Variants in CARD9 observed in about 807,000 individuals in gnomAD.
CARD9 encodes the protein caspase recruitment domain family member 9.
Under a neutral mutation model 66.0 loss-of-function variants are expected in CARD9, and 53 were observed. The observed-to-expected ratio is 0.80, with a 90% CI of 0.64 to 1.01. CARD9 has a LOEUF of 1.01. CARD9 is among the 50% of genes least tolerant of loss of function. The pLI is 0.00. For missense variants in CARD9, 769 were observed against 743.2 expected, an observed-to-expected ratio of 1.03 and a Z score of -0.40; for synonymous variants, 387 against 313.8, an observed-to-expected ratio of 1.23 and a Z score of -2.47.
In CARD9 at chr9:136,367,681, C is replaced by T. The variant is rs368200571; in HGVS notation, c.1225G>A (p.Val409Met). 56 of 1,599,686 alleles carry T rather than the reference C, an allele frequency of 3.5e-5. 1 individual carries two copies. The highest frequency in any genetic ancestry group is 2.1e-4 in the South Asian group (19 of 90,026). The change falls in exon 8 of 13, where the codon GTG (valine) becomes ATG (methionine). Residue 409 changes from valine to methionine, a missense_variant. Val to Met is a conservative substitution (Grantham distance 21). Transcript: ENST00000371732. ...TGCTGCCGCCTGAGCCTGCCCTCCA[C>T]GGCCAGTAGCTGCGCCTCACACTGG... is the stretch of plus-strand genomic sequence containing the variant. ...VFQCEAQLLAVEGRLRRQQLE... is the reference protein window; with the variant it reads ...VFQCEAQLLAMEGRLRRQQLE...
chr9:136,367,741 C>A lies in CARD9; in HGVS notation c.1165G>T (p.Gly389Cys), dbSNP rs1487066101. 6.2e-7 allele frequency: 1 copy of A among 1,605,688 alleles called. No homozygotes were observed. Among genetic ancestry groups the A allele is most frequent in the Admixed American group, 1.7e-5 (1 of 59,946 alleles). The change falls in exon 8 of 13, where the codon GGC (glycine) becomes TGC (cysteine). Residue 389 changes from glycine to cysteine, a missense_variant. Transcript: ENST00000371732. ...AGCTGCAGCTCATCCGCCTTCTCGC[C>A]CAGCTCCCGCACCTGCTTGCGCAGC... ...DALRKQVREL[G>C]EKADELQLQV...
Position 136,371,873 on chromosome 9 carries a change from G to T in CARD9, c.184+22C>A, listed in dbSNP as rs1241234418. The stretch of plus-strand genomic sequence containing the variant: ...ACTCTGTGGTTGGGTTTGGGGCCTG[G>T]GGCCCGCGGGGCAACACTGACCCAC... On this transcript the variant is annotated intron_variant, in intron 2 of 12. Coordinates refer to ENST00000371732, the MANE Select transcript of CARD9 (RefSeq NM_052813.5). The T allele has an allele frequency of 2.5e-6, 4 of 1,576,530 alleles. No homozygotes were observed. The East Asian group carries it at 9.0e-5, about 36-fold the overall frequency.
At position 136,370,398 on chromosome 9, in the gene CARD9, G is replaced by C. The variant is rs1833234296; in HGVS notation, c.847C>G (p.Leu283Val). 2 of 1,611,274 alleles carry C rather than the reference G, an allele frequency of 1.2e-6. No individual in the cohort carries two copies. Among genetic ancestry groups the C allele is most frequent in the Non-Finnish European group, 1.7e-6 (2 of 1,179,422 alleles). Reference sequence around the variant, plus strand: ...AGCGCCTGCCGCCAGTCCTCCTCCAGTACCTGGATGTAGGGGCTGCTCCTG... The same window carrying C: ...AGCGCCTGCCGCCAGTCCTCCTCCACTACCTGGATGTAGGGGCTGCTCCTG... ...LDRSSPYIQV[L>V]EEDWRQALRD... The change falls in exon 6 of 13, where the codon CTG (leucine) becomes GTG (valine). Residue 283 changes from leucine to valine, a missense_variant. Physicochemically the swap from Leu to Val is conservative, Grantham distance 32 (BLOSUM62 1). Coordinates refer to ENST00000371732, the MANE Select transcript of CARD9 (RefSeq NM_052813.5).
At chr9:136,369,015 TC>T (rs1453575817) in intron 7 of CARD9, among the ~76,000 whole-genome samples, 2 of 152,122 alleles carry the variant, frequency 1.3e-5, no homozygotes, top group Admixed American at 1.3e-4. Flanking sequence ...AGACGGGGTT[TC>T]CCCATACTGG....
At chr9:136,371,603 C>A in intron 2 of CARD9, 142 bp from the exon 3 acceptor site, 1 of 1,357,680 alleles carries the variant, frequency 7.4e-7, no homozygotes. Flanking sequence ...AGGTACCCTG[C>A]GGGTCTTGGT....
chr9:136,364,841 GTGCT>G (rs1051537006), intron 11 of CARD9: 2 of 596,206 alleles, frequency 3.4e-6, no homozygotes, highest in African/African-American at 3.7e-5. Flanking sequence ...GCCCGAGGTG[GTGCT>G]TGCTCTCAGG....
chr9:136,367,604 G>T, intron 8 of CARD9, 33 bp downstream of exon 8: 1 of 1,543,030 alleles, frequency 6.5e-7, no homozygotes, highest in Non-Finnish European at 8.7e-7. Flanking sequence ...CCCACGCGCC[G>T]GCTCCCCTCC....
In CARD9 at chr9:136,372,058, A is replaced by G. The variant is rs1343429765; in HGVS notation, c.21T>C (p.Asp7=). The G allele has an allele frequency of 3.7e-6, 6 of 1,612,670 alleles. No individual in the cohort carries two copies. In the African/African-American group the frequency reaches 5.3e-5, roughly 14 times the overall value. Residue 7 remains aspartate, a synonymous_variant, in exon 2 of 13, where the codon GAT becomes GAC. Transcript: ENST00000371732. ...CCTCCAGGACGCTCCAGCACTCGTCATCGTTCTCGTAGTCCGACATGGCCT... is the reference window on the plus strand; with the variant it reads ...CCTCCAGGACGCTCCAGCACTCGTCGTCGTTCTCGTAGTCCGACATGGCCT... MSDYEN[D]DECWSVLEGF...
At chr9:136,368,371 G>A (rs887911897) in intron 7 of CARD9, among the ~76,000 whole-genome samples, 1 of 152,202 alleles carries the variant, frequency 6.6e-6, no homozygotes, top group African/African-American at 2.4e-5. Flanking sequence ...GGGAGCCCCC[G>A]CCCTGGGAGC....
rs1833270010 is a variant in CARD9 at position 136,371,409 on chromosome 9, G to A, written c.237C>T (p.Phe79=). ...QRTGHKGYVA[F]LESLELYYPQ... is the part of the protein sequence containing the mutation. Reference sequence around the variant, plus strand: ...GGTAGTAGAGCTCCAGGCTCTCGAGGAAGGCCACGTAGCCCTTGTGGCCGG... The same window carrying A: ...GGTAGTAGAGCTCCAGGCTCTCGAGAAAGGCCACGTAGCCCTTGTGGCCGG... The change falls in exon 3 of 13, where the codon TTC becomes TTT. Residue 79 remains phenylalanine (F), a synonymous_variant. Coordinates refer to ENST00000371732, the MANE Select transcript of CARD9 (RefSeq NM_052813.5). The A allele has an allele frequency of 3.1e-6, 5 of 1,592,112 alleles. No individual in the cohort carries two copies. Among genetic ancestry groups the A allele is most frequent in the East Asian group, 2.3e-5 (1 of 44,112 alleles).
intron 1 of CARD9, 85 bp downstream of exon 1, chr9:136,373,447 G>A (rs957504286): frequency 5.2e-6 from 5 of 969,648 alleles, no homozygotes; most frequent in Admixed American, 1.2e-4. Context: ...GCCTCAGGCT[G>A]CTCTGGGGGA....
At chr9:136,371,790 CGGGGCTCTCCT>C in intron 2 of CARD9, 94 bp downstream of exon 2, 3 of 1,500,214 alleles carry the variant, frequency 2.0e-6, no homozygotes, top group Non-Finnish European at 9.0e-7. Flanking sequence ...CAAAGCCAGG[CGGGGCTCTCCT>C]GGGGTTGAGG....
chr9:136,369,978 T>C, intron 6 of CARD9, 103 bp from the exon 7 acceptor site: 1 of 1,568,518 alleles, frequency 6.4e-7, no homozygotes, highest in Non-Finnish European at 8.6e-7. Context: ...TCAGGCCAGT[T>C]GGGATGTCGG....
rs1277052235 is a variant in CARD9, at chr9:136,367,228, C to T, written c.1299G>A (p.Arg433=). ...LSSDLEDGSP[R]RSQELSLPQD... ...GGGTCTCACTCACCTCCTGGGACCT[C>T]CTGGGTGAGCCATCTTCCAGGTCGG... The change falls in exon 9 of 13, where the codon AGG becomes AGA. Residue 433 remains arginine (R), a synonymous_variant. Transcript: ENST00000371732. 2.5e-6 allele frequency: 4 copies of T among 1,612,702 alleles called. No individual in the cohort carries two copies. In the East Asian group the frequency reaches 8.9e-5, roughly 36 times the overall value.
chr9:136,371,515 G>C, intron 2 of CARD9, 54 bp from the exon 3 acceptor site: 1 of 1,497,296 alleles, frequency 6.7e-7, no homozygotes, highest in Non-Finnish European at 9.1e-7. Flanking sequence ...GCAGAGGGCT[G>C]GGGTGGGTGG....
intron 10 of CARD9, 121 bp from the exon 11 acceptor site, chr9:136,365,338 C>A: frequency 1.1e-6 from 1 of 895,220 alleles, no homozygotes; most frequent in South Asian, 1.4e-5. Context: ...GGGATCCCCA[C>A]ATGGGTCCAG....
intron 1 of CARD9, among the ~76,000 whole-genome samples, chr9:136,373,213 T>C (rs1327372542): frequency 6.6e-6 from 1 of 152,184 alleles, no homozygotes; most frequent in Admixed American, 6.5e-5. Context: ...CCCGCTGCAC[T>C]TTGTCACCCC....
chr9:136,365,499 G>A (rs1007143818), intron 10 of CARD9: 23 of 542,286 alleles, frequency 4.2e-5, no homozygotes, highest in Admixed American at 2.9e-4. Context: ...AGGGAGGAAC[G>A]CCTCCCAGAC....
rs924360777 is a variant in CARD9 at position 136,370,285 on chromosome 9, C to T, written c.951+9G>A. 6.3e-7 allele frequency: 1 copy of T among 1,594,856 alleles called. No homozygotes were observed. Among genetic ancestry groups the T allele is most frequent in the African/African-American group, 1.4e-5 (1 of 71,680 alleles). On this transcript the variant is annotated intron_variant, in intron 6 of 12. Coordinates refer to ENST00000371732, the MANE Select transcript of CARD9 (RefSeq NM_052813.5). ...CCCAGGGGCCATGTCTCCCCGCCTG[C>T]CCTCCTACCCGGAGGCGTCGGGCCT...
Sources: allele counts gnomAD v4.1 joint callset (sites outside exome capture counted in the v4.1 genomes callset), GRCh38; gene constraint gnomAD v4.1.1; transcripts MANE v1.5; gene names NCBI Gene and HGNC (gene_info 2026-07-23, HGNC 2026-07-21).